The following RPTOR variants were observed in gnomAD, a reference collection of about 807,000 sequenced individuals.
The protein encoded by RPTOR is regulatory-associated protein of mTOR.
A neutral mutation model predicts 169.9 loss-of-function variants in RPTOR; 21 were observed. That is an observed-to-expected ratio of 0.12 (90% CI 0.09 to 0.18). The LOEUF (loss-of-function observed/expected upper bound fraction) is 0.18. Ranked by LOEUF, RPTOR falls within the 10% of genes least tolerant of loss-of-function variation. RPTOR has a pLI of 1.00. For synonymous variants in RPTOR, 732 were observed against 753.2 expected (o/e 0.97, Z 0.46); for missense variants, 1,133 against 1,855.9 (o/e 0.61, Z 7.16).
At chr17:80,573,030 A>G (rs887045273) in intron 1 of RPTOR, among the ~76,000 whole-genome samples, 1 of 152,100 alleles carries the variant, frequency 6.6e-6, no homozygotes, top group African/African-American at 2.4e-5. Context: ...TAGTTGTCTT[A>G]GTAGATTTTT....
At chr17:80,744,072 G>C (rs200551285) in intron 5 of RPTOR, among the ~76,000 whole-genome samples, 10 of 110,758 alleles carry the variant, frequency 9.0e-5, no homozygotes, top group African/African-American at 3.2e-4. Context: ...TACTAGCACT[G>C]TCCTGGTTAC....
In RPTOR at chr17:80,743,148, C is replaced by T. The variant is rs547691828; in HGVS notation, c.655-10862C>T. ...TAGTGTCTCCAGCTTTCCCTCTCCT[C>T]CTTGTTAACAGAATTGGAACCCTTC... On this transcript the variant is annotated intron_variant, in intron 5 of 33. Coordinates refer to ENST00000306801, the MANE Select transcript of RPTOR (RefSeq NM_020761.3). 101 of 832,864 alleles carry T rather than the reference C, an allele frequency of 1.2e-4. No homozygotes were observed. In the African/African-American group the frequency reaches 1.8e-3, roughly 15 times the overall value. 51.6% of individuals were successfully genotyped at this position (832,864 alleles called of 1,614,324 possible).
At chr17:80,865,083 C>T (rs1369086142) in intron 13 of RPTOR, among the ~76,000 whole-genome samples, 1 of 152,202 alleles carries the variant, frequency 6.6e-6, no homozygotes, top group Non-Finnish European at 1.5e-5. Context: ...TTGTAAGATT[C>T]TTGGACTTTG....
intron 21 of RPTOR, among the ~76,000 whole-genome samples, chr17:80,921,366 C>T (rs2068742765): frequency 6.6e-6 from 1 of 152,172 alleles, no homozygotes; most frequent in Non-Finnish European, 1.5e-5. Flanking sequence ...ACCATCAGGC[C>T]CCTTCTGAAC....
intron 5 of RPTOR, among the ~76,000 whole-genome samples, chr17:80,748,709 TTGGG>T (rs1268445450): frequency 7.7e-5 from 5 of 64,530 alleles, no homozygotes; most frequent in East Asian, 5.4e-4. Context: ...GGAGGACCTG[TTGGG>T]TGGATGGAGG....
chr17:80,822,795 C>CGT (rs10672537), intron 8 of RPTOR, among the ~76,000 whole-genome samples: 2 of 151,514 alleles, frequency 1.3e-5, no homozygotes, highest in African/African-American at 4.9e-5. Flanking sequence ...TATGTGTGTG[C>CGT]GTGTATTTGT....
At chr17:80,750,515 CAGCACTTCCTCAT>C (rs1046709062) in intron 5 of RPTOR, among the ~76,000 whole-genome samples, 1 of 152,162 alleles carries the variant, frequency 6.6e-6, no homozygotes, top group African/African-American at 2.4e-5. Context: ...GCGCAGGAGT[CAGCACTTCCTCAT>C]AGCCTTCCCG....
At chr17:80,792,696 T>A (rs2067061029) in intron 7 of RPTOR, among the ~76,000 whole-genome samples, 1 of 151,836 alleles carries the variant, frequency 6.6e-6, no homozygotes, top group African/African-American at 2.4e-5. Context: ...AAAAAAAAAA[T>A]GGGACTAGAT....
At chr17:80,887,316 G>T (rs2068260082) in intron 17 of RPTOR, among the ~76,000 whole-genome samples, 1 of 132,212 alleles carries the variant, frequency 7.6e-6, no homozygotes, top group African/African-American at 2.9e-5. Flanking sequence ...TGGCTCTGAG[G>T]GGGTGTGCTG....
intron 10 of RPTOR, among the ~76,000 whole-genome samples, chr17:80,838,830 G>C (rs2067595543): frequency 6.6e-6 from 1 of 152,230 alleles, no homozygotes; most frequent in African/African-American, 2.4e-5. Flanking sequence ...CCGAGGGCAA[G>C]TTTGGTCGTC....
chr17:80,851,521 C>A lies in RPTOR; in HGVS notation c.1315-3943C>A, dbSNP rs142849730. Reference sequence around the variant, plus strand: ...TTGAGAAAAAAAAAACAGTACTTAACCTTTCCGCCAATACTCTTTATTGAC... The same window carrying A: ...TTGAGAAAAAAAAAACAGTACTTAAACTTTCCGCCAATACTCTTTATTGAC... On this transcript the variant is annotated intron_variant, in intron 11 of 33. Transcript: ENST00000306801. 8.7e-4 allele frequency among the ~76,000 whole-genome samples: 133 copies of A among 152,294 alleles called. 2 individuals are homozygous for A. In the East Asian group the frequency reaches 0.019, roughly 21 times the overall value.
chr17:80,639,332 C>T (rs1025275699), intron 2 of RPTOR, among the ~76,000 whole-genome samples: 3 of 151,672 alleles, frequency 2.0e-5, no homozygotes, highest in African/African-American at 7.3e-5. Flanking sequence ...CAAAGAACTA[C>T]AAAGATTGTC....
chr17:80,674,660 C>T (rs182032104), intron 3 of RPTOR, among the ~76,000 whole-genome samples: 8 of 152,010 alleles, frequency 5.3e-5, no homozygotes, highest in Admixed American at 3.3e-4. Context: ...TGGTGGCCGG[C>T]GCCTGTAGTC....
At position 80,609,381 on chromosome 17, in the gene RPTOR, A is replaced by G. The variant is rs2065253520; in HGVS notation, c.163-16310A>G. On this transcript the variant is annotated intron_variant, in intron 1 of 33. Coordinates refer to ENST00000306801, the MANE Select transcript of RPTOR (RefSeq NM_020761.3). This position sits in a 1 kb window ranked among gnomAD's most constrained non-coding sequence, Gnocchi z 4.8. Reference sequence around the variant, plus strand: ...TGAGTTAAGTAGCTTCACGACTGCTAGTGGCTGGAAGCTTCCAGATTAGTA... The same window carrying G: ...TGAGTTAAGTAGCTTCACGACTGCTGGTGGCTGGAAGCTTCCAGATTAGTA... 6.6e-6 allele frequency among the ~76,000 whole-genome samples: 1 copy of G among 152,214 alleles called. No homozygotes were observed. Among genetic ancestry groups the G allele is most frequent in the South Asian group, 2.1e-4 (1 of 4,824 alleles).
At chr17:80,864,462 G>A (rs541823645) in intron 13 of RPTOR, among the ~76,000 whole-genome samples, 102 of 152,230 alleles carry the variant, frequency 6.7e-4, no homozygotes, top group Non-Finnish European at 1.4e-3. Context: ...AGATGGAAAA[G>A]GCAGACAGCG....
At chr17:80,777,050 C>T (rs996332016) in intron 6 of RPTOR, among the ~76,000 whole-genome samples, 7 of 152,076 alleles carry the variant, frequency 4.6e-5, no homozygotes, top group Admixed American at 3.3e-4. Context: ...ACCATCCTGA[C>T]CAACATGGAG....
chr17:80,692,964 C>T (rs572215701), intron 3 of RPTOR, among the ~76,000 whole-genome samples: 3 of 152,168 alleles, frequency 2.0e-5, no homozygotes, highest in African/African-American at 4.8e-5. Context: ...GACACGTATG[C>T]GTAACCTTGG....
chr17:80,725,836 A>T (rs1445922238), intron 4 of RPTOR, among the ~76,000 whole-genome samples: 1 of 152,198 alleles, frequency 6.6e-6, no homozygotes, highest in Non-Finnish European at 1.5e-5. Flanking sequence ...CAGACTTCCA[A>T]ATTGTTGCAG....
intron 1 of RPTOR, among the ~76,000 whole-genome samples, chr17:80,580,336 G>C (rs993066542): frequency 6.6e-6 from 1 of 152,186 alleles, no homozygotes. Context: ...GAATTGGCAC[G>C]TTTTGCAAAA....
Sources: allele counts gnomAD v4.1 joint callset (sites outside exome capture counted in the v4.1 genomes callset), GRCh38; gene constraint gnomAD v4.1.1; non-coding constraint Gnocchi (gnomAD v3.1); transcripts MANE v1.5; gene names NCBI Gene and HGNC (gene_info 2026-07-23, HGNC 2026-07-21).